The following HRH1 variants were observed in gnomAD, a reference collection of about 807,000 sequenced individuals.
HRH1 encodes histamine receptor H1.
HRH1 carries 6 observed loss-of-function variants against 10.3 expected under a neutral mutation model. That is an observed-to-expected ratio of 0.58 (90% CI 0.32 to 1.15). The LOEUF is 1.15. Ranked by LOEUF, HRH1 falls within the 50% of genes most tolerant of loss-of-function variation. HRH1 has a pLI of 0.05. For synonymous variants in HRH1, 242 were observed against 236.7 expected (o/e 1.02, Z -0.21); for missense variants, 514 against 615.3 (o/e 0.84, Z 1.74).
chr3:11,231,270 A>T (rs1456920124), intron 1 of HRH1, among the ~76,000 whole-genome samples: 1 of 152,244 alleles, frequency 6.6e-6, no homozygotes, highest in Non-Finnish European at 1.5e-5. Context: ...GCATTGAGCT[A>T]TTATGAATAA....
chr3:11,144,365 GTGTGTA>G (rs908559497), intron 1 of HRH1, among the ~76,000 whole-genome samples: 44 of 9,070 alleles, frequency 4.9e-3, no homozygotes, highest in African/African-American at 0.037. Flanking sequence ...GTGTGTGTGT[GTGTGTA>G]TATATATGTC....
chr3:11,191,931 G>A (rs937190203), intron 1 of HRH1, among the ~76,000 whole-genome samples: 10 of 152,186 alleles, frequency 6.6e-5, no homozygotes, highest in African/African-American at 2.4e-4. Context: ...TGGCCTTGTT[G>A]AATTGAATGC....
chr3:11,259,117 T>C lies in HRH1; in HGVS notation c.80T>C (p.Leu27Pro). 6.2e-7 allele frequency: 1 copy of C among 1,614,178 alleles called. No homozygotes were observed. Among genetic ancestry groups the C allele is most frequent in the Non-Finnish European group, 8.5e-7 (1 of 1,180,020 alleles). Residue 27 changes from leucine (L) to proline (P), a missense_variant, in exon 2 of 2, where the codon CTG becomes CCG. Coordinates refer to ENST00000431010, the MANE Select transcript of HRH1 (RefSeq NM_001098212.2). The surrounding 1 kb of genome is among the most constrained non-coding windows in gnomAD (Gnocchi z 4.6). ...GNKTTMASPQLMPLVVVLSTI... is the reference protein window; with the variant it reads ...GNKTTMASPQPMPLVVVLSTI... ...AAGACCACTATGGCCAGCCCCCAGC[T>C]GATGCCCCTGGTGGTGGTCCTGAGC...
intron 1 of HRH1, among the ~76,000 whole-genome samples, chr3:11,193,342 C>T (rs1218697802): frequency 1.3e-5 from 2 of 152,224 alleles, no homozygotes; most frequent in Non-Finnish European, 2.9e-5. Context: ...ATCAGGCTAG[C>T]AGTTATCCTG....
intron 1 of HRH1, among the ~76,000 whole-genome samples, chr3:11,228,777 G>A (rs1938962991): frequency 6.6e-6 from 1 of 152,082 alleles, no homozygotes; most frequent in Admixed American, 6.5e-5. Flanking sequence ...AGCCAGGCGT[G>A]GTGGTGCGTG....
chr3:11,222,952 C>A (rs535437272), intron 1 of HRH1, among the ~76,000 whole-genome samples: 2 of 151,144 alleles, frequency 1.3e-5, no homozygotes, highest in East Asian at 3.9e-4. Context: ...TTTGGGAGGC[C>A]AAGGCAGGCG....
intron 1 of HRH1, among the ~76,000 whole-genome samples, chr3:11,217,975 A>G (rs1938569222): frequency 6.6e-6 from 1 of 152,214 alleles, no homozygotes; most frequent in South Asian, 2.1e-4. Flanking sequence ...TCGAGTGTGC[A>G]GTCAGCAATG....
chr3:11,260,013 C>T lies in HRH1; in HGVS notation c.976C>T (p.Arg326Trp), dbSNP rs201939588. 64 of 1,613,994 alleles carry T rather than the reference C, an allele frequency of 4.0e-5. No homozygotes were observed. Among genetic ancestry groups the T allele is most frequent in the Admixed American group, 6.7e-5 (4 of 59,996 alleles). The change falls in exon 2 of 2, where the codon CGG (arginine) becomes TGG (tryptophan). Residue 326 changes from arginine to tryptophan, a missense_variant. Transcript: ENST00000431010. ...TAGCAGGGACTATGTAGCCGTCAACCGGAGCCATGGCCAGCTCAAGACAGA... is the reference window on the plus strand; with the variant it reads ...TAGCAGGGACTATGTAGCCGTCAACTGGAGCCATGGCCAGCTCAAGACAGA... Reference protein sequence around the residue: ...GSSRDYVAVNRSHGQLKTDEQ... With the variant: ...GSSRDYVAVNWSHGQLKTDEQ...
At chr3:11,223,213 T>TAAAAAA (rs1938770275) in intron 1 of HRH1, among the ~76,000 whole-genome samples, 1 of 54,816 alleles carries the variant, frequency 1.8e-5, no homozygotes, top group Non-Finnish European at 4.0e-5. Context: ...AAAAAAAAAG[T>TAAAAAA]CCAGGCACAG....
In HRH1 at chr3:11,259,839, G is replaced by C. The variant is rs1194674139; in HGVS notation, c.802G>C (p.Gly268Arg). The change falls in exon 2 of 2, where the codon GGT becomes CGT. Residue 268 changes from glycine (G) to arginine (R), a missense_variant. Gly to Arg is a moderately radical substitution (Grantham distance 125, BLOSUM62 -2). Coordinates refer to ENST00000431010, the MANE Select transcript of HRH1 (RefSeq NM_001098212.2). This position sits in a 1 kb window ranked among gnomAD's most constrained non-coding sequence, Gnocchi z 4.6. ...EVLKRKPKDA[G>R]GGSVLKSPSQ... ...TCTGAAAAGGAAGCCAAAAGATGCT[G>C]GTGGTGGATCTGTCTTGAAGTCACC... 6.2e-7 allele frequency: 1 copy of C among 1,613,946 alleles called. No homozygotes were observed. Among genetic ancestry groups the C allele is most frequent in the East Asian group, 2.2e-5 (1 of 44,894 alleles).
At chr3:11,157,187 G>A (rs1330348640) in intron 1 of HRH1, among the ~76,000 whole-genome samples, 1 of 152,174 alleles carries the variant, frequency 6.6e-6, no homozygotes, top group Non-Finnish European at 1.5e-5. Flanking sequence ...CCTTAGAACC[G>A]AGAGACCCTG....
chr3:11,173,779 T>C (rs904213983), intron 1 of HRH1, among the ~76,000 whole-genome samples: 6 of 152,208 alleles, frequency 3.9e-5, no homozygotes, highest in African/African-American at 1.4e-4. Context: ...TCATCTTCTG[T>C]GGGACTCACT....
At chr3:11,202,655 A>G (rs1345041989) in intron 1 of HRH1, among the ~76,000 whole-genome samples, 1 of 152,136 alleles carries the variant, frequency 6.6e-6, no homozygotes, top group Non-Finnish European at 1.5e-5. Context: ...CTGAAGATAT[A>G]GAGATTTACA....
At chr3:11,234,164 G>A in intron 1 of HRH1, 2 of 785,094 alleles carry the variant, frequency 2.5e-6, no homozygotes, top group African/African-American at 1.7e-5. Context: ...GACAACAGAG[G>A]GAAAGACACT....
At chr3:11,242,095 C>G (rs1939359539) in intron 1 of HRH1, among the ~76,000 whole-genome samples, 2 of 152,170 alleles carry the variant, frequency 1.3e-5, no homozygotes, top group South Asian at 4.1e-4. Context: ...AGGCAATCCG[C>G]TTGGGTCACC....
At chr3:11,207,464 G>A (rs998774435) in intron 1 of HRH1, among the ~76,000 whole-genome samples, 13 of 152,220 alleles carry the variant, frequency 8.5e-5, no homozygotes, top group African/African-American at 3.1e-4. Flanking sequence ...AGCTGCTCAG[G>A]AGGCTGAGGC....
chr3:11,139,996 TAA>T (rs35364633), intron 1 of HRH1, among the ~76,000 whole-genome samples: 1 of 152,158 alleles, frequency 6.6e-6, no homozygotes. Flanking sequence ...TTTTAGCTCA[TAA>T]AAAAAATTTT....
At chr3:11,156,304 T>C (rs917506420) in intron 1 of HRH1, among the ~76,000 whole-genome samples, 1 of 152,170 alleles carries the variant, frequency 6.6e-6, no homozygotes, top group Non-Finnish European at 1.5e-5. Context: ...ATTTCAGGGC[T>C]GGGTGGAGGC....
intron 1 of HRH1, among the ~76,000 whole-genome samples, chr3:11,208,862 T>A (rs1038094174): frequency 2.0e-5 from 3 of 152,184 alleles, no homozygotes; most frequent in Admixed American, 6.5e-5. Context: ...TTGTACCCTG[T>A]GGGATGAAAG....
Sources: allele counts gnomAD v4.1 joint callset (sites outside exome capture counted in the v4.1 genomes callset), GRCh38; gene constraint gnomAD v4.1.1; non-coding constraint Gnocchi (gnomAD v3.1); transcripts MANE v1.5; gene names NCBI Gene and HGNC (gene_info 2026-07-23, HGNC 2026-07-21).